The following KDSR variants were observed in gnomAD, a reference collection of about 807,000 sequenced individuals.
KDSR encodes 3-dehydrosphinganine reductase.
In KDSR, 23 loss-of-function variants were observed where a neutral mutation model predicts 41.3. The observed-to-expected ratio is 0.56, with a 90% CI of 0.40 to 0.79. The LOEUF (loss-of-function observed/expected upper bound fraction) is 0.79. Among genes scored for constraint, KDSR ranks in the 30% least tolerant of loss-of-function variants. The pLI is 0.00. For synonymous variants in KDSR, 138 were observed against 151.7 expected, an observed-to-expected ratio of 0.91 and a Z score of 0.66; for missense variants, 351 against 416.8, an observed-to-expected ratio of 0.84 and a Z score of 1.37.
At chr18:63,363,359 T>C (rs1915048537) in intron 1 of KDSR, among the ~76,000 whole-genome samples, 1 of 132,472 alleles carries the variant, frequency 7.5e-6, no homozygotes, top group Non-Finnish European at 1.6e-5. Flanking sequence ...CTCCCAATGC[T>C]ATCCCTCCCC....
intron 7 of KDSR, among the ~76,000 whole-genome samples, chr18:63,343,047 T>C (rs1350793937): frequency 2.0e-5 from 3 of 152,200 alleles, no homozygotes; most frequent in African/African-American, 7.2e-5. Context: ...CCTAAGACTG[T>C]AAGTTTCCTG....
chr18:63,353,280 C>T (rs979922109), intron 5 of KDSR, among the ~76,000 whole-genome samples: 1 of 151,942 alleles, frequency 6.6e-6, no homozygotes, highest in Non-Finnish European at 1.5e-5. Context: ...CTAAAATCTC[C>T]GTAAAGAGAT....
intron 8 of KDSR, among the ~76,000 whole-genome samples, chr18:63,336,962 C>T (rs1310628600): frequency 6.6e-6 from 1 of 151,896 alleles, no homozygotes; most frequent in East Asian, 1.9e-4. Context: ...TTAATGCAGA[C>T]CTTAAAGCAA....
rs1322879467 is a variant in KDSR, at chr18:63,364,379, A to G, written c.109-1511T>C. Among the ~76,000 whole-genome samples, 3 of 152,022 alleles carry G rather than the reference A, an allele frequency of 2.0e-5. No homozygotes were observed. In the East Asian group the frequency reaches 5.8e-4, roughly 29 times the overall value. On this transcript the variant is annotated intron_variant, in intron 1 of 9. Coordinates refer to ENST00000645214, the MANE Select transcript of KDSR (RefSeq NM_002035.4). ...TTCTGTTCTCCACTATATTCCTAGC[A>G]CTTAGCCTGGGGAGGGCTCAATATA... is the stretch of plus-strand genomic sequence containing the variant.
intron 9 of KDSR, 37 bp from the exon 10 acceptor site, chr18:63,331,938 G>T (rs200463568): frequency 1.2e-6 from 2 of 1,601,656 alleles, no homozygotes; most frequent in South Asian, 1.1e-5. Flanking sequence ...TGCATCCAAC[G>T]GTACAAGACT....
At chr18:63,359,373 G>A (rs1196241016) in intron 3 of KDSR, among the ~76,000 whole-genome samples, 1 of 151,650 alleles carries the variant, frequency 6.6e-6, no homozygotes, top group Non-Finnish European at 1.5e-5. Flanking sequence ...TTGCTATTAT[G>A]TTTTATACTG....
chr18:63,352,041 C>T (rs1306449061), intron 5 of KDSR, among the ~76,000 whole-genome samples: 2 of 152,172 alleles, frequency 1.3e-5, no homozygotes, highest in Non-Finnish European at 2.9e-5. Context: ...GCCTTGACCT[C>T]CCAAAGTGAT....
chr18:63,365,343 G>C, intron 1 of KDSR, among the ~76,000 whole-genome samples: 1 of 152,148 alleles, frequency 6.6e-6, no homozygotes, highest in African/African-American at 2.4e-5. Context: ...TTAACCATCA[G>C]CTCCCTCTCC....
At chr18:63,338,764 A>G (rs751349538) in intron 8 of KDSR, 36 bp downstream of exon 8, 1 of 1,326,868 alleles carries the variant, frequency 7.5e-7, no homozygotes, top group East Asian at 2.3e-5. Flanking sequence ...TAGTACTACA[A>G]ACACAAATAG....
intron 5 of KDSR, among the ~76,000 whole-genome samples, chr18:63,353,892 G>A (rs764958585): frequency 1.1e-4 from 17 of 152,142 alleles, no homozygotes; most frequent in Admixed American, 4.6e-4. Flanking sequence ...AGAACTAGGC[G>A]GAGGGGGTGG....
chr18:63,335,220 A>G (rs951679830), intron 9 of KDSR, 37 bp downstream of exon 9: 2 of 1,388,680 alleles, frequency 1.4e-6, no homozygotes, highest in Non-Finnish European at 2.0e-6. Context: ...TCTCTTGTCC[A>G]TCGGCCTGTC....
At chr18:63,351,684 C>T (rs1373256663) in intron 5 of KDSR, among the ~76,000 whole-genome samples, 2 of 152,154 alleles carry the variant, frequency 1.3e-5, no homozygotes, top group African/African-American at 4.8e-5. Flanking sequence ...ACCTCAAGAA[C>T]CACTGGCTCT....
chr18:63,355,054 G>T, intron 5 of KDSR, 150 bp downstream of exon 5: 1 of 587,170 alleles, frequency 1.7e-6, no homozygotes, highest in Non-Finnish European at 3.0e-6. Flanking sequence ...ACCTTGTTCA[G>T]CTTCACCTTG....
chr18:63,338,370 A>G (rs948019775), intron 8 of KDSR, among the ~76,000 whole-genome samples: 5 of 152,262 alleles, frequency 3.3e-5, no homozygotes, highest in African/African-American at 9.6e-5. Flanking sequence ...AAACATATCA[A>G]CAGGGAAGAC....
In KDSR at chr18:63,331,701, T is replaced by C. The variant is rs1599319162; in HGVS notation, c.*81A>G. On this transcript the variant is annotated 3_prime_UTR_variant, in exon 10 of 10. Transcript: ENST00000645214. ...TATTCGAAAACAATACATAAGTGTC[T>C]ATAGGCCAAAAATTGGGTCCCATTT... 6.9e-7 allele frequency: 1 copy of C among 1,455,324 alleles called. No individual in the cohort carries two copies. The highest frequency in any genetic ancestry group is 9.4e-7 in the Non-Finnish European group (1 of 1,060,730). The allele number at this position is 1,455,324 out of a possible 1,614,324, so 90.2% of individuals were successfully genotyped here.
In KDSR at chr18:63,367,130, G is replaced by T; in HGVS notation, c.-12C>A. The T allele has an allele frequency of 7.7e-7, 1 of 1,305,786 alleles. No individual in the cohort carries two copies. The allele number at this position is 1,305,786 out of a possible 1,614,324, so 80.9% of individuals were successfully genotyped here. ...GCCAGCAGCAGCATCGCTCCGCGGG[G>T]CCAGGGGCCCGGAGCGGCCGGGCGG... On this transcript the variant is annotated 5_prime_UTR_variant, in exon 1 of 10. Transcript: ENST00000645214.
At chr18:63,353,374 T>C (rs1477436307) in intron 5 of KDSR, among the ~76,000 whole-genome samples, 1 of 151,254 alleles carries the variant, frequency 6.6e-6, no homozygotes, top group East Asian at 1.9e-4. Flanking sequence ...GAAGAACAGG[T>C]TGAGGAGGGA....
chr18:63,363,145 G>A (rs1017785194), intron 1 of KDSR, among the ~76,000 whole-genome samples: 25 of 150,912 alleles, frequency 1.7e-4, no homozygotes, highest in Non-Finnish European at 2.9e-4. Context: ...TGCCCTATAA[G>A]TCTAGCTCAT....
At chr18:63,344,342 A>G in intron 7 of KDSR, 68 bp downstream of exon 7, 1 of 1,082,844 alleles carries the variant, frequency 9.2e-7, no homozygotes, top group South Asian at 1.3e-5. Flanking sequence ...TGTGAGCTGA[A>G]GAGTAGAAAG....
Sources: gnomAD v4.1 joint callset for allele counts (sites outside exome capture counted in the v4.1 genomes callset) on GRCh38, gnomAD v4.1.1 for gene constraint, MANE v1.5 for transcripts, NCBI Gene and HGNC (gene_info 2026-07-23, HGNC 2026-07-21) for gene names.